The following PTPRQ variants were observed in gnomAD, a reference collection of about 807,000 sequenced individuals.
PTPRQ encodes phosphatidylinositol phosphatase PTPRQ.
A neutral mutation model predicts 246.0 loss-of-function variants in PTPRQ; 199 were observed. The ratio of observed to expected loss-of-function variants is 0.81; its 90% CI spans 0.72 to 0.91. The LOEUF (loss-of-function observed/expected upper bound fraction) is 0.91. Among genes scored for constraint, PTPRQ ranks in the 40% least tolerant of loss-of-function variants. The probability of loss-of-function intolerance (pLI) is 0.00; values close to 1 mark genes in which losing one functional copy is unlikely to be tolerated. For missense variants in PTPRQ, 2,624 were observed against 2,528.4 expected (o/e 1.04, Z -0.81); for synonymous variants, 869 against 853.2 (o/e 1.02, Z -0.32).
intron 18 of PTPRQ, 39 bp from the exon 19 acceptor site, chr12:80,534,853 A>G: frequency 1.3e-6 from 2 of 1,527,312 alleles, no homozygotes; most frequent in South Asian, 1.3e-5. Flanking sequence ...TTACTTGTAA[A>G]CACAAATACA....
chr12:80,455,166 G>T (rs796185835), intron 3 of PTPRQ, among the ~76,000 whole-genome samples: 1 of 151,036 alleles, frequency 6.6e-6, no homozygotes, highest in Non-Finnish European at 1.5e-5. Context: ...AGAACAAAAC[G>T]CCGCCAAACA....
intron 39 of PTPRQ, among the ~76,000 whole-genome samples, chr12:80,664,814 G>A (rs1217976362): frequency 6.6e-6 from 1 of 151,946 alleles, no homozygotes; most frequent in Non-Finnish European, 1.5e-5. Context: ...CTTTTCAGCA[G>A]CTCTGACTCT....
chr12:80,620,402 C>A (rs1418492727), intron 32 of PTPRQ, 26 bp downstream of exon 32: 2 of 1,545,024 alleles, frequency 1.3e-6, no homozygotes, highest in Non-Finnish European at 1.7e-6. Flanking sequence ...ATCTACCATG[C>A]ATTCTGTTAG....
chr12:80,659,015 G>A (rs1900541765), intron 39 of PTPRQ, among the ~76,000 whole-genome samples: 1 of 151,954 alleles, frequency 6.6e-6, no homozygotes, highest in East Asian at 1.9e-4. Context: ...TCTGATATTG[G>A]TTGATAACTA....
chr12:80,626,101 G>T (rs1332879710), intron 33 of PTPRQ, among the ~76,000 whole-genome samples: 1 of 152,146 alleles, frequency 6.6e-6, no homozygotes, highest in Non-Finnish European at 1.5e-5. Flanking sequence ...ACAATGAAAA[G>T]TTCCAATGTG....
chr12:80,450,445 T>G (rs1892719297), intron 3 of PTPRQ, among the ~76,000 whole-genome samples: 1 of 152,226 alleles, frequency 6.6e-6, no homozygotes, highest in Non-Finnish European at 1.5e-5. Context: ...AGGGCATCCC[T>G]GTCTTGTGCC....
At chr12:80,511,260 C>T (rs1895118950) in intron 17 of PTPRQ, among the ~76,000 whole-genome samples, 1 of 152,094 alleles carries the variant, frequency 6.6e-6, no homozygotes, top group Admixed American at 6.5e-5. Flanking sequence ...CCCTAATTCC[C>T]CTTTAACCCC....
At chr12:80,469,513 A>G (rs7134423) in intron 7 of PTPRQ, among the ~76,000 whole-genome samples, 8,639 of 152,206 alleles carry the variant, frequency 0.057, 812 homozygotes, top group African/African-American at 0.2. Flanking sequence ...CTCTGATTCT[A>G]TGAAAGAAGT....
In PTPRQ at chr12:80,679,124, TA is replaced by T. The variant is rs552166038; in HGVS notation, c.*102del. ...ATTGAAATGTGCAACCTTAAAGAAATATCTATGCTTCTCTCACTGTGCCTTT... is the reference window on the plus strand; with the variant it reads ...ATTGAAATGTGCAACCTTAAAGAAATTCTATGCTTCTCTCACTGTGCCTTT... On this transcript the variant is annotated 3_prime_UTR_variant, in exon 45 of 45. Coordinates refer to ENST00000644991, the MANE Select transcript of PTPRQ (RefSeq NM_001145026.2). 184 of 1,389,846 alleles carry T rather than the reference TA, an allele frequency of 1.3e-4. No homozygotes were observed. In the African/African-American group the frequency reaches 2.5e-3, roughly 19 times the overall value. The allele number at this position is 1,389,846 out of a possible 1,614,324, so 86.1% of individuals were successfully genotyped here. A position where few individuals can be genotyped will look rare whatever the true frequency, so the allele number is the denominator to read the frequency against.
At chr12:80,555,875 C>T (rs1896630498) in intron 25 of PTPRQ, among the ~76,000 whole-genome samples, 1 of 152,142 alleles carries the variant, frequency 6.6e-6, no homozygotes. Context: ...TGTTCAGGTT[C>T]TAGGTGTGGG....
chr12:80,493,038 C>T (rs141750985), intron 9 of PTPRQ, among the ~76,000 whole-genome samples: 249 of 151,968 alleles, frequency 1.6e-3, no homozygotes, highest in East Asian at 0.011. Context: ...CTGTTTCTTC[C>T]CAAAATACAG....
Position 80,539,951 on chromosome 12 carries a change from A to G in PTPRQ, c.3154+7A>G. Reference sequence around the variant, plus strand: ...GTATACACAGATCAAGACAGTATGTAAACAAAAAACACTAATCTTTAATAT... The same window carrying G: ...GTATACACAGATCAAGACAGTATGTGAACAAAAAACACTAATCTTTAATAT... On this transcript the variant is annotated splice_region_variant and intron_variant, in intron 20 of 44. Coordinates refer to ENST00000644991, the MANE Select transcript of PTPRQ (RefSeq NM_001145026.2). The G allele has an allele frequency of 1.4e-6, 2 of 1,467,950 alleles. No individual in the cohort carries two copies. The highest frequency in any genetic ancestry group is 1.8e-6 in the Non-Finnish European group (2 of 1,108,760). The allele number at this position is 1,467,950 out of a possible 1,614,324, so 90.9% of individuals were successfully genotyped here. A position where few individuals can be genotyped will look rare whatever the true frequency, so the allele number is the denominator to read the frequency against.
chr12:80,467,066 A>G (rs1277138579), intron 6 of PTPRQ, among the ~76,000 whole-genome samples: 5 of 152,240 alleles, frequency 3.3e-5, no homozygotes, highest in Non-Finnish European at 7.3e-5. Context: ...CAGAGTGAAC[A>G]GGCAACCTTC....
At chr12:80,554,244 A>G (rs1896577539) in intron 25 of PTPRQ, among the ~76,000 whole-genome samples, 1 of 152,196 alleles carries the variant, frequency 6.6e-6, no homozygotes, top group African/African-American at 2.4e-5. Context: ...GAAATGATAA[A>G]TGCTTGAGGT....
Position 80,669,555 on chromosome 12 carries a change from T to C in PTPRQ, c.6453+91T>C, listed in dbSNP as rs900111013. 2.8e-6 allele frequency: 4 copies of C among 1,441,616 alleles called. No individual in the cohort carries two copies. The African/African-American group carries it at 5.8e-5, about 21-fold the overall frequency. 89.3% of individuals were successfully genotyped at this position (1,441,616 alleles called of 1,614,324 possible). A position where few individuals can be genotyped will look rare whatever the true frequency, so the allele number is the denominator to read the frequency against. ...AAAATTAATTTCTAGAACTATCCCT[T>C]TCAAGGATACCTGTATATTCAACAA... On this transcript the variant is annotated intron_variant, in intron 41 of 44. Transcript: ENST00000644991.
chr12:80,559,182 C>T (rs1055393460), intron 25 of PTPRQ, among the ~76,000 whole-genome samples: 3 of 152,066 alleles, frequency 2.0e-5, no homozygotes, highest in African/African-American at 7.2e-5. Context: ...GTAGCTGGGA[C>T]TACAGACGCG....
chr12:80,577,964 A>G (rs1009081477), intron 25 of PTPRQ, among the ~76,000 whole-genome samples: 1 of 152,202 alleles, frequency 6.6e-6, no homozygotes, highest in Non-Finnish European at 1.5e-5. Context: ...GTATACTTAC[A>G]ATCTCTGAAG....
intron 39 of PTPRQ, 130 bp from the exon 40 acceptor site, chr12:80,668,877 A>T: frequency 1.6e-6 from 2 of 1,235,470 alleles, no homozygotes; most frequent in Non-Finnish European, 2.1e-6. Context: ...ATTTAAGATT[A>T]TCTAGTATTT....
intron 26 of PTPRQ, among the ~76,000 whole-genome samples, chr12:80,597,431 G>A (rs953921288): frequency 6.6e-6 from 1 of 152,012 alleles, no homozygotes; most frequent in African/African-American, 2.4e-5. Flanking sequence ...GAGGAAGTGA[G>A]TAGGGAGAAC....
Sources: allele counts gnomAD v4.1 joint callset (sites outside exome capture counted in the v4.1 genomes callset), GRCh38; gene constraint gnomAD v4.1.1; transcripts MANE v1.5; gene names NCBI Gene and HGNC (gene_info 2026-07-23, HGNC 2026-07-21).